Variants in RMND5A observed in about 807,000 individuals in gnomAD.
The protein encoded by RMND5A is required for meiotic nuclear division 5 homolog A.
Under a neutral mutation model 49.7 loss-of-function variants are expected in RMND5A, and 17 were observed. The observed-to-expected ratio is 0.34, with a 90% CI of 0.23 to 0.51. RMND5A has a LOEUF of 0.51. Among genes scored for constraint, RMND5A ranks in the 20% least tolerant of loss-of-function variants. The pLI is 0.96. For synonymous variants in RMND5A, 156 were observed against 167.7 expected, an observed-to-expected ratio of 0.93 and a Z score of 0.54; for missense variants, 255 against 471.3, an observed-to-expected ratio of 0.54 and a Z score of 4.25.
intron 2 of RMND5A, among the ~76,000 whole-genome samples, chr2:86,745,649 G>A (rs1681524628): frequency 6.6e-6 from 1 of 152,218 alleles, no homozygotes; most frequent in Non-Finnish European, 1.5e-5. Context: ...ACCTCATTAA[G>A]TAGGATGAAA....
Position 86,720,535 on chromosome 2 carries a change from C to T in RMND5A, c.-133C>T, listed in dbSNP as rs1373943240. The T allele has an allele frequency of 5.1e-6, 3 of 586,400 alleles. No individual in the cohort carries two copies. The highest frequency in any genetic ancestry group is 7.1e-6 in the Non-Finnish European group (3 of 422,718). The allele number at this position is 586,400 out of a possible 1,614,324, so 36.3% of individuals were successfully genotyped here. On this transcript the variant is annotated 5_prime_UTR_variant, in exon 1 of 9. Transcript: ENST00000283632. ...CCCCCGGCGCCGCGGCTAGTGCGCC[C>T]GCCGCCTCGGCCGCCTCAGCCTCCC...
At chr2:86,769,348 A>G (rs1266211880) in intron 6 of RMND5A, among the ~76,000 whole-genome samples, 2 of 152,216 alleles carry the variant, frequency 1.3e-5, no homozygotes, top group Non-Finnish European at 2.9e-5. Flanking sequence ...CATTTTGAGT[A>G]TCATTGTTCT....
chr2:86,746,689 C>T (rs569797753), intron 2 of RMND5A, among the ~76,000 whole-genome samples: 16 of 152,310 alleles, frequency 1.1e-4, no homozygotes, highest in Non-Finnish European at 2.2e-4. Context: ...CTCTCCTTTC[C>T]ATAGAATGGT....
chr2:86,752,144 A>G, intron 3 of RMND5A, 114 bp downstream of exon 3: 1 of 945,518 alleles, frequency 1.1e-6, no homozygotes, highest in Admixed American at 3.2e-5. Context: ...TAGATTTTTA[A>G]TATTTAAATT....
At position 86,752,102 on chromosome 2, in the gene RMND5A, G is replaced by C. The variant is rs1347083929; in HGVS notation, c.420+72G>C. On this transcript the variant is annotated intron_variant, in intron 3 of 8. Transcript: ENST00000283632. Reference sequence around the variant, plus strand: ...TCCTTGGAGTTTATAGTATTTGCAGGGTGGGGTTTTGAGTCTTCCTCTAGC... The same window carrying C: ...TCCTTGGAGTTTATAGTATTTGCAGCGTGGGGTTTTGAGTCTTCCTCTAGC... 4 of 1,480,986 alleles carry C rather than the reference G, an allele frequency of 2.7e-6. No homozygotes were observed. In the African/African-American group the frequency reaches 4.2e-5, roughly 16 times the overall value. 91.7% of individuals were successfully genotyped at this position (1,480,986 alleles called of 1,614,324 possible).
intron 4 of RMND5A, among the ~76,000 whole-genome samples, chr2:86,754,501 C>T (rs554005649): frequency 6.6e-6 from 1 of 152,220 alleles, no homozygotes; most frequent in South Asian, 2.1e-4. Flanking sequence ...ACACTTTTTC[C>T]CTTAAAATTT....
chr2:86,772,118 G>A (rs1672694038), intron 8 of RMND5A, among the ~76,000 whole-genome samples: 1 of 152,146 alleles, frequency 6.6e-6, no homozygotes. Flanking sequence ...TGATTGGGTA[G>A]CCAGTTCCCT....
intron 4 of RMND5A, among the ~76,000 whole-genome samples, chr2:86,757,823 G>A (rs184640968): frequency 3.9e-5 from 6 of 152,258 alleles, no homozygotes; most frequent in South Asian, 4.1e-4. Flanking sequence ...CTTTAAAAAC[G>A]ATAAAAACCT....
intron 2 of RMND5A, among the ~76,000 whole-genome samples, chr2:86,748,925 C>T (rs1234001208): frequency 6.6e-6 from 1 of 152,174 alleles, no homozygotes; most frequent in Non-Finnish European, 1.5e-5. Context: ...GGATTTAATG[C>T]AGTTGATAAG....
chr2:86,728,334 CAG>C lies in RMND5A; in HGVS notation c.142+7528_142+7529del, dbSNP rs1162092495. ...CAATCTTTTTTTTTTTTTTTGGAGA[CAG>C]AGTCTCACTCTGTCACCTAGGCTGG... On this transcript the variant is annotated intron_variant, in intron 1 of 8. Transcript: ENST00000283632. Among the ~76,000 whole-genome samples, 5 of 67,360 alleles carry C rather than the reference CAG, an allele frequency of 7.4e-5. 2 individuals are homozygous for C. Among genetic ancestry groups the C allele is most frequent in the African/African-American group, 2.9e-4 (5 of 17,502 alleles). 44.2% of individuals were successfully genotyped at this position (67,360 alleles called of 152,430 possible).
intron 4 of RMND5A, among the ~76,000 whole-genome samples, chr2:86,755,171 C>T (rs2104399590): frequency 6.6e-6 from 1 of 150,394 alleles, no homozygotes; most frequent in African/African-American, 2.5e-5. Context: ...GGCTAGAGTG[C>T]AGTGGGATGA....
Position 86,765,892 on chromosome 2 carries a change from T to G in RMND5A, c.722T>G (p.Leu241Arg). 1.2e-6 allele frequency: 2 copies of G among 1,613,984 alleles called. No homozygotes were observed. Among genetic ancestry groups the G allele is most frequent in the Non-Finnish European group, 1.7e-6 (2 of 1,179,902 alleles). The change falls in exon 6 of 9, where the codon CTG (leucine) becomes CGG (arginine). Residue 241 changes from leucine (L) to arginine (R), a missense_variant. Leu to Arg is a moderately radical substitution (Grantham distance 102, BLOSUM62 -2). Coordinates refer to ENST00000283632, the MANE Select transcript of RMND5A (RefSeq NM_022780.4). ...GTTTTGATGGGAAGCCTTGTGTACC[T>G]GAGACAAGGGATTGAGAACTCACCA... ...IQVLMGSLVY[L>R]RQGIENSPYV...
chr2:86,756,178 GC>G (rs1361767497), intron 4 of RMND5A, among the ~76,000 whole-genome samples: 1 of 152,126 alleles, frequency 6.6e-6, no homozygotes, highest in Non-Finnish European at 1.5e-5. Flanking sequence ...GATCGCTTGA[GC>G]CCAGGAGTTC....
intron 2 of RMND5A, among the ~76,000 whole-genome samples, chr2:86,747,804 G>T (rs892432191): frequency 6.6e-6 from 1 of 152,078 alleles, no homozygotes; most frequent in Non-Finnish European, 1.5e-5. Context: ...TTCATGATAC[G>T]GCATGATACG....
intron 4 of RMND5A, among the ~76,000 whole-genome samples, chr2:86,758,982 C>T (rs1278840208): frequency 1.3e-5 from 2 of 152,052 alleles, no homozygotes; most frequent in South Asian, 4.1e-4. Flanking sequence ...CAGCTTTTAC[C>T]CCCAAGAGTA....
At chr2:86,767,556 C>CAGTT (rs1251057746) in intron 6 of RMND5A, among the ~76,000 whole-genome samples, 1 of 151,838 alleles carries the variant, frequency 6.6e-6, no homozygotes, top group African/African-American at 2.4e-5. Flanking sequence ...GCTGGGAGTA[C>CAGTT]AGTTGTGTGC....
chr2:86,728,921 T>TA (rs1681312548), intron 1 of RMND5A, among the ~76,000 whole-genome samples: 1 of 151,802 alleles, frequency 6.6e-6, no homozygotes, highest in Non-Finnish European at 1.5e-5. Context: ...CCTGACTATT[T>TA]TTTTTTTGTA....
chr2:86,772,280 T>C (rs545760417), intron 8 of RMND5A, among the ~76,000 whole-genome samples: 6 of 152,142 alleles, frequency 3.9e-5, no homozygotes, highest in African/African-American at 1.4e-4. Flanking sequence ...AAATCCCATC[T>C]CTACTAAAAA....
At chr2:86,752,119 T>G in intron 3 of RMND5A, 89 bp downstream of exon 3, 1 of 1,168,420 alleles carries the variant, frequency 8.6e-7, no homozygotes, top group Non-Finnish European at 1.2e-6. Context: ...TTTTGAGTCT[T>G]CCTCTAGCTA....
Sources: allele counts gnomAD v4.1 joint callset (sites outside exome capture counted in the v4.1 genomes callset), GRCh38; gene constraint gnomAD v4.1.1; transcripts MANE v1.5; gene names NCBI Gene and HGNC (gene_info 2026-07-23, HGNC 2026-07-21).